Variants in HOGA1 observed in about 807,000 individuals in gnomAD.
HOGA1 encodes the protein 4-hydroxy-2-oxoglutarate aldolase, mitochondrial.
Under a neutral mutation model 34.3 loss-of-function variants are expected in HOGA1, and 30 were observed. The ratio of observed to expected loss-of-function variants is 0.87; its 90% confidence interval spans 0.65 to 1.19. The LOEUF (loss-of-function observed/expected upper bound fraction) is 1.19, where lower values mean the gene tolerates loss of function less well. Among genes scored for constraint, HOGA1 ranks in the 50% most tolerant of loss-of-function variants. The pLI is 0.00. For missense variants in HOGA1, 417 were observed against 436.5 expected (o/e 0.96, Z 0.40); for synonymous variants, 161 against 174.0 (o/e 0.93, Z 0.59).
At position 97,609,557 on chromosome 10, in the gene HOGA1, C is replaced by T. The variant is rs116017320; in HGVS notation, c.835-1953C>T. On this transcript the variant is annotated intron_variant, in intron 6 of 6. Coordinates refer to ENST00000370646, the MANE Select transcript of HOGA1 (RefSeq NM_138413.4). ...GCCTAGGCTGTAGGCTCAGACACCC[C>T]GAGAACAGCTTGATGTCACTCTATT... Among the ~76,000 whole-genome samples, 984 of 152,268 alleles carry T rather than the reference C, an allele frequency of 6.5e-3. 11 individuals are homozygous for T. Among genetic ancestry groups the T allele is most frequent in the African/African-American group, 0.023 (946 of 41,566 alleles).
chr10:97,599,415 G>T (rs2041098377), intron 3 of HOGA1, 199 bp downstream of exon 3: 1 of 721,428 alleles, frequency 1.4e-6, no homozygotes, highest in Non-Finnish European at 2.3e-6. Flanking sequence ...TTGGAGGAAT[G>T]ATGTCATCTG....
At chr10:97,607,352 A>C (rs1236564074) in intron 6 of HOGA1, among the ~76,000 whole-genome samples, 11 of 152,180 alleles carry the variant, frequency 7.2e-5, no homozygotes, top group Admixed American at 6.5e-4. Flanking sequence ...CGGGGGTGGC[A>C]GTTCAGACTC....
intron 6 of HOGA1, among the ~76,000 whole-genome samples, chr10:97,607,592 A>G (rs1026438104): frequency 7.2e-5 from 11 of 152,134 alleles, no homozygotes; most frequent in South Asian, 4.1e-4. Flanking sequence ...TTGGGTCTCT[A>G]GGTCCCTTGT....
In HOGA1 at chr10:97,600,133, G is replaced by A. The variant is rs1564759309; in HGVS notation, c.670G>A (p.Ala224Thr). The A allele has an allele frequency of 6.2e-7, 1 of 1,614,176 alleles. No homozygotes were observed. Among genetic ancestry groups the A allele is most frequent in the Non-Finnish European group, 8.5e-7 (1 of 1,180,022 alleles). The stretch of plus-strand genomic sequence containing the variant: ...GGATTTTCAGGTGTTGGCTGGATCG[G>A]CTGGCTTTCTGATGGCCAGCTATGC... ...KQDFQVLAGS[A>T]GFLMASYALG... is the part of the protein sequence containing the mutation. Residue 224 changes from alanine to threonine, a missense_variant, in exon 5 of 7, where the codon GCT becomes ACT. By Grantham distance (58) the Ala-to-Thr change is moderately conservative. Coordinates refer to ENST00000370646, the MANE Select transcript of HOGA1 (RefSeq NM_138413.4).
chr10:97,602,401 G>A (rs1589909992), intron 6 of HOGA1: 1 of 985,242 alleles, frequency 1.0e-6, no homozygotes, highest in African/African-American at 1.7e-5. Flanking sequence ...AGGAATGACT[G>A]GGGCTGGCAA....
Position 97,603,205 on chromosome 10 carries a change from T to G in HOGA1, c.834+1215T>G, listed in dbSNP as rs1325453410. Among the ~76,000 whole-genome samples the G allele has an allele frequency of 6.6e-6, 1 of 152,142 alleles. No homozygotes were observed. The highest frequency in any genetic ancestry group is 6.5e-5 in the Admixed American group (1 of 15,278). On this transcript the variant is annotated intron_variant, in intron 6 of 6. Transcript: ENST00000370646. This position sits in a 1 kb window ranked among gnomAD's most constrained non-coding sequence, Gnocchi z 4.5. Reference sequence around the variant, plus strand: ...TTTTAGTAGAGACGGGGTTTCACCATGTTGGCCAGGCTGGCCTCAAACTCC... The same window carrying G: ...TTTTAGTAGAGACGGGGTTTCACCAGGTTGGCCAGGCTGGCCTCAAACTCC...
Position 97,611,683 on chromosome 10 carries a change from C to A in HOGA1, c.*24C>A, listed in dbSNP as rs1338838345. ...GAGGGCAGGCAGGGTCCATGGCTGG[C>A]CTGAGCCCATCTCAGCCTCCTGCCT... On this transcript the variant is annotated 3_prime_UTR_variant, in exon 7 of 7. Coordinates refer to ENST00000370646, the MANE Select transcript of HOGA1 (RefSeq NM_138413.4). 2 of 1,605,542 alleles carry A rather than the reference C, an allele frequency of 1.2e-6. No individual in the cohort carries two copies. The highest frequency in any genetic ancestry group is 3.4e-5 in the Admixed American group (2 of 58,796).
intron 1 of HOGA1, among the ~76,000 whole-genome samples, chr10:97,588,702 T>C (rs2040991944): frequency 6.6e-6 from 1 of 152,216 alleles, no homozygotes; most frequent in South Asian, 2.1e-4. Context: ...CATAAAACAC[T>C]TGTGTCCTAT....
chr10:97,611,460 T>C lies in HOGA1; in HGVS notation c.835-50T>C, dbSNP rs1364028557. On this transcript the variant is annotated intron_variant, in intron 6 of 6. Transcript: ENST00000370646. The stretch of plus-strand genomic sequence containing the variant: ...GTGACAGATCTCCGAGTTCCAGATA[T>C]GGGTGTTCAGCAAATTTCTCAGTCT... 6.2e-6 allele frequency: 10 copies of C among 1,607,526 alleles called. No homozygotes were observed. The Admixed American group carries it at 1.3e-4, about 21-fold the overall frequency.
intron 6 of HOGA1, 76 bp from the exon 7 acceptor site, chr10:97,611,434 A>G: frequency 1.3e-6 from 2 of 1,542,832 alleles, no homozygotes; most frequent in African/African-American, 1.4e-5. Flanking sequence ...ATGTTCTGAA[A>G]GTGACAGATC....
At chr10:97,606,128 CA>C (rs60230634) in intron 6 of HOGA1, among the ~76,000 whole-genome samples, 3,304 of 95,210 alleles carry the variant, frequency 0.035, 80 homozygotes, top group African/African-American at 0.1. Flanking sequence ...ACTAAAAATA[CA>C]AAAAAAAAAA....
chr10:97,584,621 A>C lies in HOGA1; in HGVS notation c.-83A>C. 1 of 1,252,416 alleles carries C rather than the reference A, an allele frequency of 8.0e-7. No homozygotes were observed. Among genetic ancestry groups the C allele is most frequent in the Non-Finnish European group, 1.1e-6 (1 of 890,526 alleles). 77.6% of individuals were successfully genotyped at this position (1,252,416 alleles called of 1,614,324 possible). A position where few individuals can be genotyped will look rare whatever the true frequency, so the allele number is the denominator to read the frequency against. ...CGCAAATTTTTAACTAGAAACATTGATCATTAATAGGGGGTTAGAAAGAGT... is the reference window on the plus strand; with the variant it reads ...CGCAAATTTTTAACTAGAAACATTGCTCATTAATAGGGGGTTAGAAAGAGT... On this transcript the variant is annotated 5_prime_UTR_variant, in exon 1 of 7. Transcript: ENST00000370646.
At chr10:97,590,113 G>C in intron 1 of HOGA1, 1 of 1,614,104 alleles carries the variant, frequency 6.2e-7, no homozygotes, top group Non-Finnish European at 8.5e-7. Flanking sequence ...TCAGCTCCAC[G>C]GTTCACATAG....
intron 6 of HOGA1, among the ~76,000 whole-genome samples, chr10:97,610,561 G>C (rs1305516531): frequency 1.3e-5 from 2 of 152,238 alleles, no homozygotes; most frequent in Non-Finnish European, 2.9e-5. Context: ...GAGGCGGGCA[G>C]ATCACTTGAG....
Position 97,604,521 on chromosome 10 carries a change from G to T in HOGA1, c.834+2531G>T, listed in dbSNP as rs147472149. ...TTATTTTTAGTAGAGACAAGGTCTC[G>T]CTATGTTGCCCAGGCTGGTCTCAAA... On this transcript the variant is annotated intron_variant, in intron 6 of 6. Coordinates refer to ENST00000370646, the MANE Select transcript of HOGA1 (RefSeq NM_138413.4). 7.0e-3 allele frequency among the ~76,000 whole-genome samples: 1,068 copies of T among 152,034 alleles called. 14 individuals are homozygous for T. The highest frequency in any genetic ancestry group is 0.025 in the African/African-American group (1,027 of 41,496).
intron 1 of HOGA1, among the ~76,000 whole-genome samples, chr10:97,596,420 G>A (rs2041072045): frequency 6.6e-6 from 1 of 152,192 alleles, no homozygotes; most frequent in Non-Finnish European, 1.5e-5. Flanking sequence ...AGGCAGGGTT[G>A]GGGAGGAAGA....
In HOGA1 at chr10:97,584,529, A is replaced by G; in HGVS notation, c.-175A>G. The G allele has an allele frequency of 9.5e-6, 6 of 628,996 alleles. No individual in the cohort carries two copies. In the South Asian group the frequency reaches 1.2e-4, roughly 12 times the overall value. The allele number at this position is 628,996 out of a possible 1,614,324, so 39.0% of individuals were successfully genotyped here. On this transcript the variant is annotated 5_prime_UTR_variant, in exon 1 of 7. The change creates a new upstream start codon in the 5' untranslated region. Transcript: ENST00000370646. ...AGGAACAGGGCCCCCTGGGGCCTATAGGCCTTGCCCCTGACCCTGGGAACA... is the reference window on the plus strand; with the variant it reads ...AGGAACAGGGCCCCCTGGGGCCTATGGGCCTTGCCCCTGACCCTGGGAACA...
In HOGA1 at chr10:97,603,093, C is replaced by T. The variant is rs112382831; in HGVS notation, c.834+1103C>T. On this transcript the variant is annotated intron_variant, in intron 6 of 6. Transcript: ENST00000370646. The surrounding 1 kb of genome is among the most constrained non-coding windows in gnomAD (Gnocchi z 4.5). ...CTTGGCCCACTGCAACCTCCGCCTC[C>T]CTGGTGCGAGCAATTCTCCTGTCTC... Among the ~76,000 whole-genome samples the T allele has an allele frequency of 0.035, 5,269 of 152,240 alleles. 315 individuals are homozygous for T. The highest frequency in any genetic ancestry group is 0.12 in the African/African-American group (5,011 of 41,532).
chr10:97,587,437 TAGG>T (rs1002089225), intron 1 of HOGA1, among the ~76,000 whole-genome samples: 10 of 151,958 alleles, frequency 6.6e-5, no homozygotes, highest in African/African-American at 2.4e-4. Flanking sequence ...AACAAATAAA[TAGG>T]AGGTGGAAAG....
Sources: gnomAD v4.1 joint callset for allele counts (sites outside exome capture counted in the v4.1 genomes callset) on GRCh38, gnomAD v4.1.1 for gene constraint, Gnocchi (gnomAD v3.1) non-coding constraint, MANE v1.5 for transcripts, NCBI Gene and HGNC (gene_info 2026-07-23, HGNC 2026-07-21) for gene names.